RAB8B: variants seen among roughly 807,000 people sequenced by gnomAD.
RAB8B encodes the protein ras-related protein Rab-8B.
Under a neutral mutation model 32.0 loss-of-function variants are expected in RAB8B, and 11 were observed. The observed-to-expected ratio is 0.34, with a 90% CI of 0.22 to 0.57. RAB8B has a LOEUF of 0.57. RAB8B is among the 20% of genes least tolerant of loss of function. The pLI is 0.86. For synonymous variants in RAB8B, 103 were observed against 89.6 expected, an observed-to-expected ratio of 1.15 and a Z score of -0.85; for missense variants, 190 against 258.5, an observed-to-expected ratio of 0.73 and a Z score of 1.82.
rs1409786876 is a variant in RAB8B at position 63,214,378 on chromosome 15, G to A, written c.124+24630G>A. ...ATGATCTCGGCTCACTGTAGCCTCCGCCTCCCAGGTTGCAGCGATTCTCCT... is the reference window on the plus strand; with the variant it reads ...ATGATCTCGGCTCACTGTAGCCTCCACCTCCCAGGTTGCAGCGATTCTCCT... On this transcript the variant is annotated intron_variant, in intron 1 of 7. Coordinates refer to ENST00000321437, the MANE Select transcript of RAB8B (RefSeq NM_016530.3). Among the ~76,000 whole-genome samples, 6 of 134,352 alleles carry A rather than the reference G, an allele frequency of 4.5e-5. No individual in the cohort carries two copies. The South Asian group carries it at 7.8e-4, about 18-fold the overall frequency. 88.1% of individuals were successfully genotyped at this position (134,352 alleles called of 152,430 possible).
At chr15:63,202,027 C>T (rs1409866831) in intron 1 of RAB8B, among the ~76,000 whole-genome samples, 6 of 139,048 alleles carry the variant, frequency 4.3e-5, no homozygotes, top group African/African-American at 5.4e-5. Context: ...CCGAGGCGGG[C>T]GGATCCACAA....
At chr15:63,212,249 CA>C (rs963731775) in intron 1 of RAB8B, among the ~76,000 whole-genome samples, 5 of 152,258 alleles carry the variant, frequency 3.3e-5, no homozygotes, top group African/African-American at 1.2e-4. Flanking sequence ...AAAAAACAAA[CA>C]ACGAAAACTT....
intron 1 of RAB8B, among the ~76,000 whole-genome samples, chr15:63,231,129 G>A (rs1399725275): frequency 1.3e-5 from 2 of 152,114 alleles, no homozygotes; most frequent in Non-Finnish European, 2.9e-5. Flanking sequence ...TACAGCTAAA[G>A]TTTGTTTTAA....
At chr15:63,207,513 C>G (rs1185522596) in intron 1 of RAB8B, among the ~76,000 whole-genome samples, 1 of 152,068 alleles carries the variant, frequency 6.6e-6, no homozygotes, top group Non-Finnish European at 1.5e-5. Context: ...TATTTAGGCT[C>G]AAAACCTGGA....
intron 1 of RAB8B, among the ~76,000 whole-genome samples, chr15:63,214,168 C>A (rs914241493): frequency 1.3e-5 from 2 of 151,992 alleles, no homozygotes; most frequent in East Asian, 3.9e-4. Flanking sequence ...TTGGCTATTC[C>A]TTTCAAGGTA....
Position 63,223,692 on chromosome 15 carries a change from CTGTACT to C in RAB8B, c.125-21057_125-21052del, listed in dbSNP as rs1381394829. ...CATGACTATACTTGAAGACACACGA[CTGTACT>C]TGTACTGGTTGTTAAGTGACACGTG... On this transcript the variant is annotated intron_variant, in intron 1 of 7. Transcript: ENST00000321437. 1.8e-4 allele frequency among the ~76,000 whole-genome samples: 28 copies of C among 152,340 alleles called. No individual in the cohort carries two copies. The East Asian group carries it at 5.0e-3, about 27-fold the overall frequency.
At chr15:63,250,551 G>GAAGC (rs1479560582) in intron 3 of RAB8B, among the ~76,000 whole-genome samples, 4 of 152,148 alleles carry the variant, frequency 2.6e-5, no homozygotes, top group East Asian at 3.9e-4. Flanking sequence ...CACTTGTTAT[G>GAAGC]TTCTATCCTA....
intron 1 of RAB8B, among the ~76,000 whole-genome samples, chr15:63,219,004 ATTTTTTTTTTTTTTTT>A (rs71131152): frequency 3.0e-4 from 28 of 94,672 alleles, no homozygotes; most frequent in African/African-American, 4.1e-4. Flanking sequence ...CCAGCAGTGG[ATTTTTTTTTTTTTTTT>A]TTTTTTTTTT....
chr15:63,222,624 G>A (rs1270680362), intron 1 of RAB8B, among the ~76,000 whole-genome samples: 4 of 152,090 alleles, frequency 2.6e-5, no homozygotes, highest in South Asian at 4.1e-4. Flanking sequence ...TGCAACCTCC[G>A]CTTCCTGGGC....
intron 1 of RAB8B, chr15:63,223,734 G>A (rs1486099034): frequency 3.9e-6 from 1 of 255,532 alleles, no homozygotes; most frequent in African/African-American, 2.2e-5. Flanking sequence ...ACTGTACTTG[G>A]TTGTTAAGTG....
chr15:63,263,236 T>A (rs1329964736), intron 7 of RAB8B, among the ~76,000 whole-genome samples: 1 of 152,194 alleles, frequency 6.6e-6, no homozygotes, highest in African/African-American at 2.4e-5. Context: ...TCATTACCTT[T>A]GAAACTTTAC....
intron 1 of RAB8B, among the ~76,000 whole-genome samples, chr15:63,191,457 C>A (rs1317295913): frequency 6.6e-6 from 1 of 152,170 alleles, no homozygotes; most frequent in African/African-American, 2.4e-5. Context: ...AAGTTCTTGG[C>A]AGTCAGTCTT....
chr15:63,219,307 A>G lies in RAB8B; in HGVS notation c.125-25449A>G, dbSNP rs374152760. ...GCGAGACTCCCATCAAAAAAAAAAAAAAAGAAAGAAAGAGAGAAAGAGATC... is the reference window on the plus strand; with the variant it reads ...GCGAGACTCCCATCAAAAAAAAAAAGAAAGAAAGAAAGAGAGAAAGAGATC... On this transcript the variant is annotated intron_variant, in intron 1 of 7. Coordinates refer to ENST00000321437, the MANE Select transcript of RAB8B (RefSeq NM_016530.3). 1.5e-4 allele frequency among the ~76,000 whole-genome samples: 23 copies of G among 151,958 alleles called. No homozygotes were observed. In the South Asian group the frequency reaches 2.3e-3, roughly 15 times the overall value.
At chr15:63,198,404 A>T (rs1024454829) in intron 1 of RAB8B, among the ~76,000 whole-genome samples, 1 of 151,980 alleles carries the variant, frequency 6.6e-6, no homozygotes, top group African/African-American at 2.4e-5. Context: ...AAATGCTAAC[A>T]CTCTGCTTGT....
At chr15:63,216,120 T>A (rs2037789182) in intron 1 of RAB8B, among the ~76,000 whole-genome samples, 1 of 152,000 alleles carries the variant, frequency 6.6e-6, no homozygotes, top group South Asian at 2.1e-4. Flanking sequence ...TTTTCTTCTC[T>A]ATAATTTTTC....
chr15:63,228,569 A>G (rs181476661), intron 1 of RAB8B, among the ~76,000 whole-genome samples: 4 of 152,344 alleles, frequency 2.6e-5, no homozygotes, highest in East Asian at 1.9e-4. Flanking sequence ...TGTTTCCCAC[A>G]TGCTGTCTTG....
intron 1 of RAB8B, among the ~76,000 whole-genome samples, chr15:63,228,057 G>A (rs866671874): frequency 6.6e-6 from 1 of 150,848 alleles, no homozygotes; most frequent in Non-Finnish European, 1.5e-5. Flanking sequence ...ACGCTGGAGC[G>A]TAGTCACCCA....
chr15:63,208,866 C>T (rs1170961943), intron 1 of RAB8B, among the ~76,000 whole-genome samples: 3 of 150,436 alleles, frequency 2.0e-5, no homozygotes, highest in African/African-American at 7.3e-5. Context: ...TCTTCCTTTG[C>T]TTCCCCAACC....
chr15:63,255,545 C>T lies in RAB8B; in HGVS notation c.285C>T (p.Ser95=). The T allele has an allele frequency of 6.2e-7, 1 of 1,607,112 alleles. No homozygotes were observed. The highest frequency in any genetic ancestry group is 8.5e-7 in the Non-Finnish European group (1 of 1,173,694). ...TCTATGACATCACAAATGAAAAATC[C>T]TTTGACAATATTAAAAATTGGATCA... ...MLVYDITNEK[S]FDNIKNWIRN... Residue 95 remains serine (S), a synonymous_variant, in exon 4 of 8, where the codon TCC becomes TCT. Transcript: ENST00000321437.
Sources: gnomAD v4.1 joint callset for allele counts (sites outside exome capture counted in the v4.1 genomes callset) on GRCh38, gnomAD v4.1.1 for gene constraint, MANE v1.5 for transcripts, NCBI Gene and HGNC (gene_info 2026-07-23, HGNC 2026-07-21) for gene names.